Variants in SVOP observed in about 807,000 individuals in gnomAD.
The protein encoded by SVOP is synaptic vesicle 2-related protein.
In SVOP, 17 loss-of-function variants were observed where a neutral mutation model predicts 69.1. That is an observed-to-expected ratio of 0.25 (90% CI 0.17 to 0.37). The LOEUF (loss-of-function observed/expected upper bound fraction) is 0.37, where lower values mean the gene tolerates loss of function less well. Among genes scored for constraint, SVOP ranks in the 10% least tolerant of loss-of-function variants. SVOP has a pLI of 1.00. For missense variants in SVOP, 435 were observed against 597.5 expected (o/e 0.73, Z 2.84); for synonymous variants, 238 against 238.6 (o/e 1.00, Z 0.02).
intron 5 of SVOP, among the ~76,000 whole-genome samples, chr12:108,966,504 C>G (rs1438315152): frequency 6.6e-6 from 1 of 151,960 alleles, no homozygotes; most frequent in Non-Finnish European, 1.5e-5. Context: ...CAGGGCAGAT[C>G]AAGGAGGTTC....
intron 1 of SVOP, among the ~76,000 whole-genome samples, chr12:108,992,782 C>T (rs1439149976): frequency 6.6e-6 from 1 of 151,946 alleles, no homozygotes; most frequent in Non-Finnish European, 1.5e-5. Flanking sequence ...GTGGGGTCTC[C>T]TTTTGGGGTG....
chr12:108,937,424 G>C, intron 9 of SVOP, 87 bp from the exon 10 acceptor site: 1 of 1,302,318 alleles, frequency 7.7e-7, no homozygotes, highest in East Asian at 2.3e-5. Context: ...GTGCACACCA[G>C]GCTGGGAGGA....
At chr12:108,984,739 A>C (rs1041440636) in intron 1 of SVOP, among the ~76,000 whole-genome samples, 11 of 152,104 alleles carry the variant, frequency 7.2e-5, no homozygotes, top group Non-Finnish European at 1.6e-4. Flanking sequence ...TCCGGGGCAA[A>C]ATTACCTGTC....
At chr12:108,945,074 C>G in intron 7 of SVOP, 29 bp downstream of exon 7, 1 of 1,536,104 alleles carries the variant, frequency 6.5e-7, no homozygotes, top group Non-Finnish European at 8.7e-7. Flanking sequence ...TCCACATGCT[C>G]TAGAGACCCA....
chr12:108,960,047 C>G (rs1295017613), intron 6 of SVOP, among the ~76,000 whole-genome samples: 1 of 152,170 alleles, frequency 6.6e-6, no homozygotes, highest in East Asian at 1.9e-4. Context: ...TTTAGAACAG[C>G]ACCTGCCACA....
At chr12:108,938,531 C>A (rs140321661) in intron 9 of SVOP, among the ~76,000 whole-genome samples, 1 of 152,324 alleles carries the variant, frequency 6.6e-6, no homozygotes, top group African/African-American at 2.4e-5. Flanking sequence ...AAGGCGAAAC[C>A]AAAGCAGGAG....
intron 1 of SVOP, among the ~76,000 whole-genome samples, chr12:109,005,531 T>C (rs978231426): frequency 1.3e-5 from 2 of 152,122 alleles, no homozygotes; most frequent in African/African-American, 4.8e-5. Flanking sequence ...ATGCTCTGGT[T>C]GGCAAGGTGG....
At chr12:108,945,378 T>C (rs1260364010) in intron 6 of SVOP, among the ~76,000 whole-genome samples, 1 of 152,136 alleles carries the variant, frequency 6.6e-6, no homozygotes, top group Non-Finnish European at 1.5e-5. Context: ...GATGAGGCCC[T>C]GGCATCTGCA....
chr12:108,988,770 C>CTTTTTTT lies in SVOP; in HGVS notation c.36-5016_36-5010dup, dbSNP rs758822738. ...TCTTCCTTTCTTACTTCTTTTCTCT[C>CTTTTTTT]TTTTTTTTTTTTTTTTTTTTGAGAC... On this transcript the variant is annotated intron_variant, in intron 1 of 15. Coordinates refer to ENST00000610966, the MANE Select transcript of SVOP (RefSeq NM_018711.5). 1.8e-3 allele frequency among the ~76,000 whole-genome samples: 163 copies of CTTTTTTT among 92,148 alleles called. 3 individuals are homozygous for CTTTTTTT. Among genetic ancestry groups the CTTTTTTT allele is most frequent in the Admixed American group, 9.1e-3 (61 of 6,696 alleles). 60.5% of individuals were successfully genotyped at this position (92,148 alleles called of 152,430 possible).
chr12:109,010,939 G>A (rs1255734292), intron 1 of SVOP, among the ~76,000 whole-genome samples: 1 of 150,928 alleles, frequency 6.6e-6, no homozygotes, highest in Non-Finnish European at 1.5e-5. Flanking sequence ...TTTGAGGCAG[G>A]GTCTCGCTCT....
At chr12:109,009,506 G>A (rs1566068627) in intron 1 of SVOP, among the ~76,000 whole-genome samples, 3 of 151,964 alleles carry the variant, frequency 2.0e-5, no homozygotes, top group Admixed American at 6.6e-5. Flanking sequence ...ACTGCCTCCT[G>A]GATTCAAGCG....
intron 11 of SVOP, among the ~76,000 whole-genome samples, chr12:108,928,214 C>T (rs765839096): frequency 5.9e-5 from 9 of 151,884 alleles, no homozygotes; most frequent in Admixed American, 5.2e-4. Flanking sequence ...AACCCCCACA[C>T]CCCCCTGACC....
chr12:108,955,847 C>A lies in SVOP; in HGVS notation c.578+5076G>T, dbSNP rs573744762. ...GTCATTTAATGACTATTTTAAGGGA[C>A]CCCATGAGGTGGGGATGTTGTTGTT... is the stretch of plus-strand genomic sequence containing the variant. On this transcript the variant is annotated intron_variant, in intron 6 of 15. Transcript: ENST00000610966. Among the ~76,000 whole-genome samples the A allele has an allele frequency of 2.6e-5, 4 of 152,220 alleles. No homozygotes were observed. In the South Asian group the frequency reaches 8.3e-4, roughly 32 times the overall value.
chr12:108,934,277 A>T lies in SVOP; in HGVS notation c.972-6T>A, dbSNP rs2039842812. ...AAGAGAATGCATTGGAAAACCTGCCAGGAGAAAGCAAGAAAGGTAAAGAAA... is the reference window on the plus strand; with the variant it reads ...AAGAGAATGCATTGGAAAACCTGCCTGGAGAAAGCAAGAAAGGTAAAGAAA... On this transcript the variant is annotated splice_polypyrimidine_tract_variant and splice_region_variant and intron_variant, in intron 10 of 15. Transcript: ENST00000610966. 1 of 1,596,078 alleles carries T rather than the reference A, an allele frequency of 6.3e-7. No individual in the cohort carries two copies. The highest frequency in any genetic ancestry group is 8.5e-7 in the Non-Finnish European group (1 of 1,171,278).
At chr12:109,002,044 T>G (rs771465234) in intron 1 of SVOP, among the ~76,000 whole-genome samples, 2,394 of 135,860 alleles carry the variant, frequency 0.018, 11 homozygotes, top group Non-Finnish European at 0.027. Context: ...GGGAGAAAAT[T>G]TTTGCAACCT....
chr12:108,991,854 G>A (rs1327119529), intron 1 of SVOP, among the ~76,000 whole-genome samples: 2 of 152,092 alleles, frequency 1.3e-5, no homozygotes, highest in South Asian at 2.1e-4. Context: ...GCTGAGGCAG[G>A]AGGGTCTCTT....
chr12:108,994,260 A>G (rs143215684), intron 1 of SVOP, among the ~76,000 whole-genome samples: 145,578 of 152,214 alleles, frequency 0.96, 69,963 homozygotes, highest in East Asian at 1. Flanking sequence ...TTGGGAGGCC[A>G]AGGTGAGCAG....
intron 15 of SVOP, among the ~76,000 whole-genome samples, chr12:108,915,318 T>A (rs1448672080): frequency 6.6e-6 from 1 of 152,054 alleles, no homozygotes; most frequent in Non-Finnish European, 1.5e-5. Context: ...ATAGGTGGAA[T>A]TTTCAGCCCA....
At chr12:108,949,722 C>T (rs2039944279) in intron 6 of SVOP, among the ~76,000 whole-genome samples, 1 of 150,358 alleles carries the variant, frequency 6.7e-6, no homozygotes, top group Admixed American at 6.6e-5. Flanking sequence ...TCTTAACATA[C>T]ACAGCACACT....
Sources: gnomAD v4.1 joint callset for allele counts (sites outside exome capture counted in the v4.1 genomes callset) on GRCh38, gnomAD v4.1.1 for gene constraint, MANE v1.5 for transcripts, NCBI Gene and HGNC (gene_info 2026-07-23, HGNC 2026-07-21) for gene names.